The following KCNH8 variants were observed in gnomAD, a reference collection of about 807,000 sequenced individuals.
KCNH8 encodes potassium voltage-gated channel subfamily H member 8, also known as voltage-gated delayed rectifier potassium channel KCNH8.
KCNH8 carries 70 observed loss-of-function variants against 103.6 expected under a neutral mutation model. That is an observed-to-expected ratio of 0.68 (90% CI 0.56 to 0.82). The LOEUF (loss-of-function observed/expected upper bound fraction) is 0.82, where lower values mean the gene tolerates loss of function less well. Ranked by LOEUF, KCNH8 falls within the 40% of genes least tolerant of loss-of-function variation. The pLI is 0.00. For synonymous variants in KCNH8, 498 were observed against 489.4 expected, an observed-to-expected ratio of 1.02 and a Z score of -0.23; for missense variants, 1,217 against 1,329.9, an observed-to-expected ratio of 0.92 and a Z score of 1.32.
chr3:19,201,578 C>CCAGCTGCTATA lies in KCNH8; in HGVS notation c.77-52070_77-52060dup, dbSNP rs1444325550. Among the ~76,000 whole-genome samples, 12 of 152,152 alleles carry CCAGCTGCTATA rather than the reference C, an allele frequency of 7.9e-5. No homozygotes were observed. In the Middle Eastern group the frequency reaches 0.01, roughly 129 times the overall value. ...TGACTTTTTTTTATATTCTACTCCA[C>CCAGCTGCTATA]CAGCTGCTATACAGCTCAATGGCCC... is the stretch of plus-strand genomic sequence containing the variant. On this transcript the variant is annotated intron_variant, in intron 1 of 15. Transcript: ENST00000328405.
At chr3:19,403,378 AT>A (rs1296458956) in intron 7 of KCNH8, among the ~76,000 whole-genome samples, 3 of 27,350 alleles carry the variant, frequency 1.1e-4, no homozygotes, top group Admixed American at 3.5e-4. Context: ...ATATATATAT[AT>A]ATATATATAT....
At chr3:19,465,399 A>C (rs907211210) in intron 11 of KCNH8, among the ~76,000 whole-genome samples, 2 of 152,192 alleles carry the variant, frequency 1.3e-5, no homozygotes, top group Admixed American at 1.3e-4. Context: ...GTTGAGACCT[A>C]GTGCTCAGAA....
At chr3:19,217,848 G>A (rs1261102707) in intron 1 of KCNH8, among the ~76,000 whole-genome samples, 1 of 152,144 alleles carries the variant, frequency 6.6e-6, no homozygotes, top group Non-Finnish European at 1.5e-5. Flanking sequence ...AGTTAACTTA[G>A]ACTTACCTTA....
intron 6 of KCNH8, among the ~76,000 whole-genome samples, chr3:19,393,914 T>G (rs1385529452): frequency 4.6e-5 from 7 of 152,124 alleles, no homozygotes; most frequent in Non-Finnish European, 7.4e-5. Flanking sequence ...ACTTGATAAT[T>G]TATTCATTCA....
chr3:19,198,782 G>C (rs1204727069), intron 1 of KCNH8, among the ~76,000 whole-genome samples: 1 of 152,026 alleles, frequency 6.6e-6, no homozygotes, highest in East Asian at 1.9e-4. Context: ...TTAGTTTCTA[G>C]GGTATTTCTT....
rs6805014 is a variant in KCNH8, at chr3:19,433,017, G to C, written c.1178-5147G>C. Among the ~76,000 whole-genome samples the C allele has an allele frequency of 5.3e-5, 8 of 151,872 alleles. No homozygotes were observed. The East Asian group carries it at 1.4e-3, about 26-fold the overall frequency. On this transcript the variant is annotated intron_variant, in intron 7 of 15. Coordinates refer to ENST00000328405, the MANE Select transcript of KCNH8 (RefSeq NM_144633.3). ...GCTTGTCTTTTGTTTTTTTTGGGGG[G>C]TTTTTTTGTACACATGATGATGCCC...
Position 19,218,477 on chromosome 3 carries a change from C to T in KCNH8, c.77-35177C>T, listed in dbSNP as rs183456371. ...CCTATGTTCTGTGACTTCATAAAAT[C>T]GAACTGCTCCAGAACTCAGGCTTTA... On this transcript the variant is annotated intron_variant, in intron 1 of 15. Transcript: ENST00000328405. Among the ~76,000 whole-genome samples, 55 of 152,288 alleles carry T rather than the reference C, an allele frequency of 3.6e-4. 2 individuals are homozygous for T. In the East Asian group the frequency reaches 9.5e-3, roughly 26 times the overall value.
At chr3:19,336,915 G>T (rs908199316) in intron 3 of KCNH8, among the ~76,000 whole-genome samples, 3 of 151,922 alleles carry the variant, frequency 2.0e-5, no homozygotes, top group African/African-American at 7.2e-5. Flanking sequence ...ATGACAACTG[G>T]AGAGAGAGTA....
rs572688480 is a variant in KCNH8 at position 19,372,521 on chromosome 3, A to G, written c.812-17960A>G. On this transcript the variant is annotated intron_variant, in intron 5 of 15. Coordinates refer to ENST00000328405, the MANE Select transcript of KCNH8 (RefSeq NM_144633.3). ...CTTAAGGAGATTTTGGGCTGAGACA[A>G]TGGGGTTTTCTAGAATACAATCATG... Among the ~76,000 whole-genome samples, 40 of 152,236 alleles carry G rather than the reference A, an allele frequency of 2.6e-4. No individual in the cohort carries two copies. In the South Asian group the frequency reaches 3.1e-3, roughly 12 times the overall value.
chr3:19,153,635 CTTTTTTT>C (rs773828081), intron 1 of KCNH8, among the ~76,000 whole-genome samples: 6 of 128,916 alleles, frequency 4.7e-5, no homozygotes, highest in South Asian at 2.6e-4. Flanking sequence ...TTTCTTTTTT[CTTTTTTT>C]TTTTTTTTTT....
At chr3:19,376,064 C>T (rs544428424) in intron 5 of KCNH8, among the ~76,000 whole-genome samples, 187 of 152,230 alleles carry the variant, frequency 1.2e-3, no homozygotes, top group African/African-American at 4.3e-3. Flanking sequence ...TTGTCTGTGC[C>T]CTGCCCCCAG....
At chr3:19,176,055 T>C (rs181181040) in intron 1 of KCNH8, among the ~76,000 whole-genome samples, 2 of 152,340 alleles carry the variant, frequency 1.3e-5, no homozygotes, top group East Asian at 3.9e-4. Flanking sequence ...ATGCCAGTAC[T>C]GTCTCTAGAC....
At chr3:19,354,495 A>G (rs982024142) in intron 5 of KCNH8, among the ~76,000 whole-genome samples, 1 of 152,288 alleles carries the variant, frequency 6.6e-6, no homozygotes, top group African/African-American at 2.4e-5. Context: ...ACAAGGCTAC[A>G]GTAACCAAAA....
At chr3:19,459,059 T>C (rs1174291364) in intron 11 of KCNH8, among the ~76,000 whole-genome samples, 1 of 152,048 alleles carries the variant, frequency 6.6e-6, no homozygotes, top group Non-Finnish European at 1.5e-5. Flanking sequence ...GCAATGAAAA[T>C]GGGAGTGCAT....
intron 3 of KCNH8, among the ~76,000 whole-genome samples, chr3:19,315,770 G>A (rs1457594083): frequency 2.0e-5 from 3 of 151,884 alleles, no homozygotes; most frequent in Non-Finnish European, 4.4e-5. Flanking sequence ...ATATTACTGA[G>A]ATTATTATCG....
Position 19,534,392 on chromosome 3 carries a change from A to T in KCNH8, c.*293A>T. 2.6e-6 allele frequency: 1 copy of T among 389,156 alleles called. No homozygotes were observed. The highest frequency in any genetic ancestry group is 5.2e-5 in the South Asian group (1 of 19,318). The allele number at this position is 389,156 out of a possible 1,614,324, so 24.1% of individuals were successfully genotyped here. On this transcript the variant is annotated 3_prime_UTR_variant, in exon 16 of 16. Transcript: ENST00000328405. ...GGGTCTGAGCAGCTAGAAGTCCTAGACAAAGAACTTGTGGATGACTTTTGT... is the reference window on the plus strand; with the variant it reads ...GGGTCTGAGCAGCTAGAAGTCCTAGTCAAAGAACTTGTGGATGACTTTTGT...
intron 1 of KCNH8, among the ~76,000 whole-genome samples, chr3:19,242,798 A>G (rs1575463016): frequency 6.6e-6 from 1 of 151,416 alleles, no homozygotes; most frequent in Non-Finnish European, 1.5e-5. Context: ...GAAACTGCAA[A>G]TGTAATAAGC....
chr3:19,443,085 G>T lies in KCNH8; in HGVS notation c.1375+4724G>T, dbSNP rs114604461. Reference sequence around the variant, plus strand: ...TAAACAAATAATTTATTTTTAAAAAGAAAAATCTAAAATTTGTGTTACCAT... The same window carrying T: ...TAAACAAATAATTTATTTTTAAAAATAAAAATCTAAAATTTGTGTTACCAT... On this transcript the variant is annotated intron_variant, in intron 8 of 15. Transcript: ENST00000328405. Among the ~76,000 whole-genome samples the T allele has an allele frequency of 2.5e-3, 385 of 151,548 alleles. 1 individual carries two copies. The highest frequency in any genetic ancestry group is 3.7e-3 in the Non-Finnish European group (254 of 67,870).
In KCNH8 at chr3:19,148,638, C is replaced by T; in HGVS notation, c.-82C>T. On this transcript the variant is annotated 5_prime_UTR_variant, in exon 1 of 16. Coordinates refer to ENST00000328405, the MANE Select transcript of KCNH8 (RefSeq NM_144633.3). Reference sequence around the variant, plus strand: ...CCCCTTCCCTGCCGTCATCAGGTTCCCCTTCTCCCTTCTTGGCACTTTCCT... The same window carrying T: ...CCCCTTCCCTGCCGTCATCAGGTTCTCCTTCTCCCTTCTTGGCACTTTCCT... The T allele has an allele frequency of 7.3e-7, 1 of 1,361,220 alleles. No homozygotes were observed. The allele number at this position is 1,361,220 out of a possible 1,614,324, so 84.3% of individuals were successfully genotyped here. A position where few individuals can be genotyped will look rare whatever the true frequency, so the allele number is the denominator to read the frequency against.
Sources: gnomAD v4.1 joint callset for allele counts (sites outside exome capture counted in the v4.1 genomes callset) on GRCh38, gnomAD v4.1.1 for gene constraint, MANE v1.5 for transcripts, NCBI Gene and HGNC (gene_info 2026-07-23, HGNC 2026-07-21) for gene names.